VPS13D: variants seen among roughly 807,000 people sequenced by gnomAD.
VPS13D encodes vacuolar protein sorting 13 homolog D.
VPS13D carries 187 observed loss-of-function variants against 461.9 expected under a neutral mutation model. The ratio of observed to expected loss-of-function variants is 0.40; its 90% CI spans 0.36 to 0.46. VPS13D has a LOEUF of 0.46. Ranked by LOEUF, VPS13D falls within the 20% of genes least tolerant of loss-of-function variation. VPS13D has a pLI of 0.60. For synonymous variants in VPS13D, 1,951 were observed against 1,986.3 expected (o/e 0.98, Z 0.47); for missense variants, 4,711 against 5,364.9 (o/e 0.88, Z 3.81).
In VPS13D at chr1:12,369,678, T is replaced by C; in HGVS notation, c.10784T>C (p.Ile3595Thr). 1.2e-6 allele frequency: 2 copies of C among 1,614,158 alleles called. No individual in the cohort carries two copies. Among genetic ancestry groups the C allele is most frequent in the Non-Finnish European group, 1.7e-6 (2 of 1,179,994 alleles). ...CTTTATTATGAAAATTTCATTTACATTGCTGCTACATATACATTCTCTGGG... is the reference window on the plus strand; with the variant it reads ...CTTTATTATGAAAATTTCATTTACACTGCTGCTACATATACATTCTCTGGG... ...RQLYYENFIY[I>T]AATYTFSGLQ... The change falls in exon 54 of 70, where the codon ATT becomes ACT. Residue 3595 changes from isoleucine to threonine, a missense_variant. Ile to Thr is a moderately conservative substitution (Grantham distance 89). Around this residue, in one of 3 missense-constraint regions of VPS13D, gnomAD observed 4,411 missense variants for 4,937.8 expected, o/e 0.89. Coordinates refer to ENST00000620676, the MANE Select transcript of VPS13D (RefSeq NM_015378.4).
At chr1:12,379,467 A>G (rs1251982464) in intron 56 of VPS13D, 21 bp from the exon 57 acceptor site, 9 of 1,607,982 alleles carry the variant, frequency 5.6e-6, no homozygotes, top group Non-Finnish European at 7.7e-6. Flanking sequence ...TTCATGGTTC[A>G]TTGTGTATTC....
chr1:12,465,809 C>T (rs997466046), intron 67 of VPS13D, among the ~76,000 whole-genome samples: 1 of 152,168 alleles, frequency 6.6e-6, no homozygotes, highest in Admixed American at 6.5e-5. Context: ...GTCACCAGAG[C>T]CTGAATGCAG....
intron 67 of VPS13D, chr1:12,478,640 C>T (rs1227642757): frequency 2.8e-6 from 1 of 360,796 alleles, no homozygotes; most frequent in Admixed American, 3.5e-5. Context: ...TTTCTTCAAA[C>T]AGCTTTTCAG....
chr1:12,232,947 T>C (rs1463442712), intron 1 of VPS13D, among the ~76,000 whole-genome samples: 5 of 152,160 alleles, frequency 3.3e-5, no homozygotes, highest in Non-Finnish European at 7.4e-5. Flanking sequence ...ATGAGGATCA[T>C]TAAAGAATGT....
intron 13 of VPS13D, 99 bp from the exon 14 acceptor site, chr1:12,266,782 A>G: frequency 9.2e-7 from 1 of 1,087,252 alleles, no homozygotes; most frequent in African/African-American, 1.6e-5. Flanking sequence ...AAAATAGTTC[A>G]TCTATAATAA....
Position 12,456,148 on chromosome 1 carries a change from T to C in VPS13D, c.12466+18T>C. On this transcript the variant is annotated intron_variant, in intron 66 of 69. Coordinates refer to ENST00000620676, the MANE Select transcript of VPS13D (RefSeq NM_015378.4). ...GGCTCATGGTAAGTCATGGGTGACA[T>C]CAGGCTCTGCTGCTGCTGGTCCTCA... The C allele has an allele frequency of 6.3e-7, 1 of 1,596,748 alleles. No homozygotes were observed. Among genetic ancestry groups the C allele is most frequent in the Non-Finnish European group, 8.5e-7 (1 of 1,173,844 alleles).
In VPS13D at chr1:12,502,642, A is replaced by G. The variant is rs574861571; in HGVS notation, c.12795-4211A>G. Among the ~76,000 whole-genome samples, 14 of 103,138 alleles carry G rather than the reference A, an allele frequency of 1.4e-4. No individual in the cohort carries two copies. In the South Asian group the frequency reaches 2.4e-3, roughly 18 times the overall value. 67.7% of individuals were successfully genotyped at this position (103,138 alleles called of 152,430 possible). ...CAGGTATATAAATGAGTTAATATCG[A>G]AAAAAAAAAAAAAGAGCAGGAGGAA... On this transcript the variant is annotated intron_variant, in intron 68 of 69. Transcript: ENST00000620676. The surrounding 1 kb of genome is among the most constrained non-coding windows in gnomAD (Gnocchi z 4.3).
At chr1:12,418,097 C>T (rs528148724) in intron 65 of VPS13D, among the ~76,000 whole-genome samples, 16 of 152,178 alleles carry the variant, frequency 1.1e-4, no homozygotes, top group African/African-American at 1.7e-4. Flanking sequence ...TTAGTAGAGA[C>T]GGAGTTTTGC....
intron 65 of VPS13D, among the ~76,000 whole-genome samples, chr1:12,440,153 G>A (rs1645111696): frequency 6.6e-6 from 1 of 152,220 alleles, no homozygotes; most frequent in African/African-American, 2.4e-5. Flanking sequence ...GAGAGAGAGA[G>A]GCGCTGAGAA....
chr1:12,467,695 C>G (rs989869546), intron 67 of VPS13D, among the ~76,000 whole-genome samples: 4 of 152,160 alleles, frequency 2.6e-5, no homozygotes, highest in African/African-American at 9.7e-5. Context: ...GGAAAAAATG[C>G]AAAGTGTGTG....
In VPS13D at chr1:12,283,279, C is replaced by A; in HGVS notation, c.5177C>A (p.Pro1726His). Residue 1726 changes from proline (P) to histidine (H), a missense_variant, in exon 21 of 70, where the codon CCT (proline) becomes CAT (histidine). Physicochemically the swap from Pro to His is moderately conservative, Grantham distance 77. Coordinates refer to ENST00000620676, the MANE Select transcript of VPS13D (RefSeq NM_015378.4). ...TATCCTGATATGCCTCGGTCTCTCC[C>A]TTCCCACATGGAAGAAGCTCCTAAT... is the stretch of plus-strand genomic sequence containing the variant. ...VEYPDMPRSL[P>H]SHMEEAPNVF... The A allele has an allele frequency of 6.2e-7, 1 of 1,614,164 alleles. No homozygotes were observed. The highest frequency in any genetic ancestry group is 8.5e-7 in the Non-Finnish European group (1 of 1,180,036).
intron 60 of VPS13D, among the ~76,000 whole-genome samples, chr1:12,398,502 G>A (rs1644529387): frequency 6.6e-6 from 1 of 152,136 alleles, no homozygotes; most frequent in Non-Finnish European, 1.5e-5. Context: ...GATAGGGGGT[G>A]TGTGGAAAGT....
intron 67 of VPS13D, among the ~76,000 whole-genome samples, chr1:12,493,352 G>A (rs893068299): frequency 4.6e-5 from 7 of 151,848 alleles, no homozygotes; most frequent in African/African-American, 1.7e-4. Context: ...GCATGGTGGC[G>A]GGCGCCTCTA....
intron 1 of VPS13D, among the ~76,000 whole-genome samples, chr1:12,231,178 A>C (rs1399293464): frequency 3.9e-5 from 6 of 152,010 alleles, no homozygotes. Context: ...CACCCGCCCC[A>C]CTGGGTAGGG....
At position 12,400,274 on chromosome 1, in the gene VPS13D, G is replaced by A; in HGVS notation, c.11728G>A (p.Val3910Met). 1.2e-6 allele frequency: 2 copies of A among 1,614,192 alleles called. No homozygotes were observed. The highest frequency in any genetic ancestry group is 1.7e-6 in the Non-Finnish European group (2 of 1,180,024). ...ENEVIETGPA[V>M]QVNAVKFPSK... ...TGAGGTCATCGAGACCGGCCCAGCT[G>A]TGCAAGTCAACGCAGTGAAGTTCCC... Residue 3910 changes from valine (V) to methionine (M), a missense_variant, in exon 61 of 70, where the codon GTG becomes ATG. This residue lies in a region of VPS13D where 4,411 missense variants were observed against 4,937.8 expected (regional missense o/e 0.89). Transcript: ENST00000620676.
intron 10 of VPS13D, among the ~76,000 whole-genome samples, chr1:12,260,457 A>C (rs1641072586): frequency 6.6e-6 from 1 of 151,624 alleles, no homozygotes; most frequent in African/African-American, 2.4e-5. Flanking sequence ...ATTTCTGGAG[A>C]ATTGTTGGTG....
chr1:12,337,756 A>G (rs1643482287), intron 39 of VPS13D: 1 of 154,252 alleles, frequency 6.5e-6, no homozygotes, highest in African/African-American at 2.4e-5. Flanking sequence ...GAGATTGTTT[A>G]AATTTGGAAC....
chr1:12,277,355 C>CTG lies in VPS13D; in HGVS notation c.3771_3772dup (p.Phe1258CysfsTer14). ...ATCAGTGATATTGGCTACTTTGAATCTGTGTTTGTCAGAATGGAAGATGCA... is the reference window on the plus strand; with the variant it reads ...ATCAGTGATATTGGCTACTTTGAATCTGTGTGTTTGTCAGAATGGAAGATGCA... On this transcript the variant is annotated frameshift_variant, in exon 19 of 70. Coordinates refer to ENST00000620676, the MANE Select transcript of VPS13D (RefSeq NM_015378.4). LOFTEE classifies it high-confidence loss of function. 1.2e-6 allele frequency: 2 copies of CTG among 1,614,182 alleles called. No individual in the cohort carries two copies. The highest frequency in any genetic ancestry group is 1.7e-6 in the Non-Finnish European group (2 of 1,180,030).
intron 67 of VPS13D, among the ~76,000 whole-genome samples, chr1:12,467,645 T>G (rs1428780964): frequency 6.6e-6 from 1 of 152,216 alleles, no homozygotes; most frequent in Non-Finnish European, 1.5e-5. Flanking sequence ...GATGCCATTC[T>G]CATTATAACA....
Sources: gnomAD v4.1 joint callset for allele counts (sites outside exome capture counted in the v4.1 genomes callset) on GRCh38, gnomAD v4.1.1 for gene constraint, gnomAD v4.1.1 regional missense constraint, Gnocchi (gnomAD v3.1) non-coding constraint, MANE v1.5 for transcripts, NCBI Gene and HGNC (gene_info 2026-07-23, HGNC 2026-07-21) for gene names.